The following FGF12 variants were observed in gnomAD, a reference collection of about 807,000 sequenced individuals.
FGF12 encodes fibroblast growth factor 12B.
FGF12 carries 14 observed loss-of-function variants against 23.6 expected under a neutral mutation model. The observed-to-expected ratio is 0.59, with a 90% confidence interval of 0.39 to 0.93. The LOEUF (loss-of-function observed/expected upper bound fraction) is 0.93. Ranked by LOEUF, FGF12 falls within the 40% of genes least tolerant of loss-of-function variation. The pLI is 0.00. For synonymous variants in FGF12, 62 were observed against 77.3 expected (o/e 0.80, Z 1.04); for missense variants, 175 against 217.8 (o/e 0.80, Z 1.24).
At chr3:192,239,109 A>G (rs571973899) in intron 4 of FGF12, among the ~76,000 whole-genome samples, 143 of 152,318 alleles carry the variant, frequency 9.4e-4, no homozygotes, top group Non-Finnish European at 1.7e-3. Flanking sequence ...TCTATGTGTA[A>G]CATGTAGAAG....
chr3:192,192,854 C>A (rs1036610564), intron 4 of FGF12, among the ~76,000 whole-genome samples: 1 of 152,060 alleles, frequency 6.6e-6, no homozygotes, highest in Non-Finnish European at 1.5e-5. Context: ...TGTGTAAATA[C>A]AGCATTGAGA....
chr3:192,397,947 T>A (rs985070702), intron 2 of FGF12, among the ~76,000 whole-genome samples: 92 of 151,482 alleles, frequency 6.1e-4, no homozygotes, highest in African/African-American at 2.1e-3. Context: ...CAGTGCAATT[T>A]AAAAAAAAAC....
At chr3:192,388,773 T>C (rs1720162246) in intron 2 of FGF12, among the ~76,000 whole-genome samples, 1 of 152,074 alleles carries the variant, frequency 6.6e-6, no homozygotes, top group Non-Finnish European at 1.5e-5. Flanking sequence ...TGGAATTCTA[T>C]AAATAAGTAT....
intron 4 of FGF12, among the ~76,000 whole-genome samples, chr3:192,247,474 C>G (rs1577277376): frequency 6.6e-6 from 1 of 152,210 alleles, no homozygotes; most frequent in East Asian, 1.9e-4. Flanking sequence ...ATCATGAATA[C>G]AATATGATTT....
chr3:192,243,187 A>G (rs1468785590), intron 4 of FGF12, among the ~76,000 whole-genome samples: 3 of 152,098 alleles, frequency 2.0e-5, no homozygotes, highest in African/African-American at 7.2e-5. Flanking sequence ...TAAAATACCA[A>G]AAGAAAATCT....
At chr3:192,490,626 A>T (rs1259460960) in intron 2 of FGF12, among the ~76,000 whole-genome samples, 2 of 152,096 alleles carry the variant, frequency 1.3e-5, no homozygotes, top group Non-Finnish European at 2.9e-5. Context: ...ACTATTCATA[A>T]AAACCCCAAA....
intron 2 of FGF12, among the ~76,000 whole-genome samples, chr3:192,684,246 G>A (rs1466049039): frequency 6.6e-6 from 1 of 152,184 alleles, no homozygotes; most frequent in African/African-American, 2.4e-5. Flanking sequence ...GAGGGCACAT[G>A]CTGTCCAAGC....
chr3:192,502,401 G>A (rs185149164), intron 2 of FGF12, among the ~76,000 whole-genome samples: 2 of 152,278 alleles, frequency 1.3e-5, no homozygotes, highest in East Asian at 3.9e-4. Context: ...AAAAGTCTGT[G>A]AGAACAGATC....
chr3:192,240,211 G>A (rs1447576308), intron 4 of FGF12, among the ~76,000 whole-genome samples: 1 of 152,108 alleles, frequency 6.6e-6, no homozygotes, highest in African/African-American at 2.4e-5. Context: ...AACACCACAC[G>A]ATGACTGATA....
intron 2 of FGF12, among the ~76,000 whole-genome samples, chr3:192,385,202 T>C (rs1183639169): frequency 1.3e-5 from 2 of 152,132 alleles, no homozygotes; most frequent in Non-Finnish European, 2.9e-5. Flanking sequence ...TGTGGAGTTC[T>C]GTTAGTATTT....
At chr3:192,219,952 CAAAA>C (rs952000120) in intron 4 of FGF12, among the ~76,000 whole-genome samples, 14 of 152,120 alleles carry the variant, frequency 9.2e-5, no homozygotes, top group African/African-American at 3.4e-4. Context: ...CTGATTATGA[CAAAA>C]AGACACCAAC....
intron 4 of FGF12, among the ~76,000 whole-genome samples, chr3:192,273,415 G>A (rs1713572877): frequency 6.6e-6 from 1 of 152,172 alleles, no homozygotes; most frequent in African/African-American, 2.4e-5. Context: ...TTTCCCTGGG[G>A]CTGAAGCTGG....
chr3:192,624,735 T>C lies in FGF12; in HGVS notation c.13+102446A>G, dbSNP rs192370090. 2.0e-5 allele frequency among the ~76,000 whole-genome samples: 3 copies of C among 152,294 alleles called. No individual in the cohort carries two copies. In the East Asian group the frequency reaches 5.8e-4, roughly 29 times the overall value. On this transcript the variant is annotated intron_variant, in intron 2 of 5. Transcript: ENST00000445105. ...TTCCATTTACTATATATTATGTGTG[T>C]ATACAATGATTGTAAAATTAATTTA...
At chr3:192,693,459 G>A (rs1224297989) in intron 2 of FGF12, among the ~76,000 whole-genome samples, 1 of 151,974 alleles carries the variant, frequency 6.6e-6, no homozygotes, top group Middle Eastern at 3.2e-3. Flanking sequence ...AATAGCCAAA[G>A]CAGTCCTGTA....
chr3:192,549,492 G>A (rs1245625088), intron 2 of FGF12, among the ~76,000 whole-genome samples: 1 of 152,134 alleles, frequency 6.6e-6, no homozygotes, highest in Non-Finnish European at 1.5e-5. Flanking sequence ...AAATGAAAAG[G>A]AGGATAAAAT....
chr3:192,684,841 G>T (rs1346297494), intron 2 of FGF12, among the ~76,000 whole-genome samples: 2 of 151,966 alleles, frequency 1.3e-5, no homozygotes, highest in African/African-American at 4.8e-5. Context: ...CTTCAAGCAG[G>T]CAAGGAATCT....
At chr3:192,639,208 C>T (rs951411439) in intron 2 of FGF12, among the ~76,000 whole-genome samples, 10 of 152,108 alleles carry the variant, frequency 6.6e-5, no homozygotes, top group African/African-American at 2.2e-4. Flanking sequence ...AGGTGCTCAG[C>T]GTCATTAATA....
chr3:192,311,418 C>G (rs1715925613), intron 4 of FGF12, among the ~76,000 whole-genome samples: 1 of 152,140 alleles, frequency 6.6e-6, no homozygotes, highest in African/African-American at 2.4e-5. Flanking sequence ...TGACTAGCTT[C>G]TTCCATATCA....
chr3:192,530,493 G>C (rs964934601), intron 2 of FGF12, among the ~76,000 whole-genome samples: 1 of 152,098 alleles, frequency 6.6e-6, no homozygotes, highest in Admixed American at 6.5e-5. Flanking sequence ...CATCCTTGAA[G>C]ATTTATTCAA....
Sources: gnomAD v4.1 joint callset for allele counts (sites outside exome capture counted in the v4.1 genomes callset) on GRCh38, gnomAD v4.1.1 for gene constraint, MANE v1.5 for transcripts, NCBI Gene and HGNC (gene_info 2026-07-23, HGNC 2026-07-21) for gene names.